Variants in EPB41L2 observed in about 807,000 individuals in gnomAD.
EPB41L2 encodes the protein erythrocyte membrane protein band 4.1 like 2.
EPB41L2 carries 43 observed loss-of-function variants against 113.0 expected under a neutral mutation model. That is an observed-to-expected ratio of 0.38 (90% CI 0.30 to 0.49). EPB41L2 has a LOEUF of 0.49. Among genes scored for constraint, EPB41L2 ranks in the 20% least tolerant of loss-of-function variants. EPB41L2 has a pLI of 0.95. For synonymous variants in EPB41L2, 442 were observed against 436.7 expected, an observed-to-expected ratio of 1.01 and a Z score of -0.15; for missense variants, 1,147 against 1,223.4, an observed-to-expected ratio of 0.94 and a Z score of 0.93.
chr6:131,034,137 G>C (rs1382350437), intron 1 of EPB41L2, among the ~76,000 whole-genome samples: 1 of 152,068 alleles, frequency 6.6e-6, no homozygotes, highest in Non-Finnish European at 1.5e-5. Flanking sequence ...CATACTACAA[G>C]GTGTAATACT....
chr6:130,906,486 T>C (rs1299341414), intron 5 of EPB41L2, among the ~76,000 whole-genome samples: 1 of 152,214 alleles, frequency 6.6e-6, no homozygotes, highest in Non-Finnish European at 1.5e-5. Context: ...TTAGCAGTTT[T>C]CAAGTTAAAC....
chr6:130,998,458 C>G (rs889529941), intron 1 of EPB41L2, among the ~76,000 whole-genome samples: 3 of 151,826 alleles, frequency 2.0e-5, no homozygotes, highest in Non-Finnish European at 2.9e-5. Context: ...CTTAAGAATG[C>G]CTTAGGAAAA....
intron 4 of EPB41L2, among the ~76,000 whole-genome samples, chr6:130,911,327 C>T (rs1423995531): frequency 6.6e-6 from 1 of 152,086 alleles, no homozygotes; most frequent in Non-Finnish European, 1.5e-5. Context: ...AATGAGAACA[C>T]ATGGACACGG....
chr6:130,938,648 T>G (rs1809734464), intron 3 of EPB41L2, among the ~76,000 whole-genome samples: 1 of 152,124 alleles, frequency 6.6e-6, no homozygotes, highest in South Asian at 2.1e-4. Context: ...ATGCCAAAAA[T>G]CCAGCCCTCT....
chr6:131,023,359 A>G (rs546455331), intron 1 of EPB41L2, among the ~76,000 whole-genome samples: 4 of 152,272 alleles, frequency 2.6e-5, no homozygotes, highest in Admixed American at 2.6e-4. Context: ...AATTAATTCC[A>G]TCTACTATTT....
intron 12 of EPB41L2, chr6:130,880,679 T>C: frequency 2.4e-6 from 1 of 414,868 alleles, no homozygotes; most frequent in Non-Finnish European, 4.2e-6. Flanking sequence ...GTACGAATGA[T>C]GGAAATGATC....
intron 12 of EPB41L2, chr6:130,882,914 GGACA>G (rs1562383040): frequency 6.5e-6 from 1 of 152,710 alleles, no homozygotes; most frequent in Non-Finnish European, 1.5e-5. Flanking sequence ...GATGGGAGAA[GGACA>G]GTCAGGCTGA....
intron 9 of EPB41L2, 72 bp from the exon 10 acceptor site, chr6:130,894,513 T>A (rs1793973130): frequency 7.6e-7 from 1 of 1,323,484 alleles, no homozygotes; most frequent in African/African-American, 1.4e-5. Flanking sequence ...AAAGCATGCA[T>A]TCAGATGTTT....
intron 3 of EPB41L2, among the ~76,000 whole-genome samples, chr6:130,943,119 G>A (rs544954713): frequency 1.4e-4 from 21 of 152,144 alleles, no homozygotes; most frequent in South Asian, 4.2e-4. Context: ...CCCAGTAATG[G>A]GATTGCTGGG....
rs1442506445 is a variant in EPB41L2 at position 131,048,149 on chromosome 6, AAAAAAAAAG to A, written c.-15+14997_-15+15005del. 2.3e-3 allele frequency among the ~76,000 whole-genome samples: 325 copies of A among 142,260 alleles called. 2 individuals are homozygous for A. Among genetic ancestry groups the A allele is most frequent in the Non-Finnish European group, 4.0e-3 (261 of 65,968 alleles). 93.3% of individuals were successfully genotyped at this position (142,260 alleles called of 152,430 possible). ...GCAAGACTCTGTCTCAAAAAAAAAA[AAAAAAAAAG>A]AAAAAAAGAAAAGAAAAATCTAAAA... On this transcript the variant is annotated intron_variant, in intron 1 of 19. Transcript: ENST00000337057.
chr6:131,009,302 G>C (rs1786355952), intron 1 of EPB41L2, among the ~76,000 whole-genome samples: 1 of 152,162 alleles, frequency 6.6e-6, no homozygotes, highest in Non-Finnish European at 1.5e-5. Flanking sequence ...CTTCCACCAT[G>C]ATTGTAAGCT....
At chr6:130,994,166 A>G (rs774551876) in intron 1 of EPB41L2, among the ~76,000 whole-genome samples, 2 of 152,184 alleles carry the variant, frequency 1.3e-5, no homozygotes, top group African/African-American at 2.4e-5. Flanking sequence ...GCAGGATGCT[A>G]AGAATGTGAA....
intron 4 of EPB41L2, among the ~76,000 whole-genome samples, chr6:130,921,328 G>C (rs139056707): frequency 3.2e-4 from 48 of 152,194 alleles, no homozygotes; most frequent in South Asian, 8.3e-4. Context: ...AATGATATTT[G>C]CTTATTTTTC....
intron 4 of EPB41L2, among the ~76,000 whole-genome samples, chr6:130,925,417 G>A (rs982284705): frequency 2.6e-5 from 4 of 151,964 alleles, no homozygotes; most frequent in Non-Finnish European, 5.9e-5. Flanking sequence ...TTGAACTCCT[G>A]ACCTCAAGTG....
intron 19 of EPB41L2, among the ~76,000 whole-genome samples, chr6:130,848,893 T>C (rs1047535267): frequency 3.3e-5 from 5 of 152,178 alleles, no homozygotes; most frequent in African/African-American, 1.2e-4. Context: ...CTATGACAGT[T>C]ACGTTAATGT....
intron 18 of EPB41L2, 103 bp from the exon 19 acceptor site, chr6:130,858,346 C>A: frequency 1.3e-6 from 1 of 778,740 alleles, no homozygotes; most frequent in South Asian, 1.7e-5. Context: ...AACCTCAAGC[C>A]AAGAGGCACT....
intron 1 of EPB41L2, among the ~76,000 whole-genome samples, chr6:130,990,236 G>A (rs1285522360): frequency 7.2e-5 from 11 of 151,908 alleles, no homozygotes; most frequent in African/African-American, 2.2e-4. Flanking sequence ...CAAGAGAATC[G>A]CTGGAACCTG....
At chr6:130,877,619 T>C (rs1365880272) in intron 14 of EPB41L2, among the ~76,000 whole-genome samples, 1 of 152,194 alleles carries the variant, frequency 6.6e-6, no homozygotes, top group Admixed American at 6.5e-5. Flanking sequence ...TCATATTATA[T>C]ATAATATTTT....
At chr6:130,968,049 A>G (rs956385461) in intron 1 of EPB41L2, among the ~76,000 whole-genome samples, 1 of 152,242 alleles carries the variant, frequency 6.6e-6, no homozygotes, top group African/African-American at 2.4e-5. Context: ...TATCTTATGC[A>G]TAAAATGGCT....
Sources: allele counts gnomAD v4.1 joint callset (sites outside exome capture counted in the v4.1 genomes callset), GRCh38; gene constraint gnomAD v4.1.1; transcripts MANE v1.5; gene names NCBI Gene and HGNC (gene_info 2026-07-23, HGNC 2026-07-21).